The following DDX47 variants were observed in gnomAD, a reference collection of about 807,000 sequenced individuals.
DDX47 encodes probable ATP-dependent RNA helicase DDX47.
A neutral mutation model predicts 58.8 loss-of-function variants in DDX47; 60 were observed. That is an observed-to-expected ratio of 1.02 (90% confidence interval 0.83 to 1.26). The LOEUF (loss-of-function observed/expected upper bound fraction) is 1.26. Ranked by LOEUF, DDX47 falls within the 50% of genes most tolerant of loss-of-function variation. The pLI is 0.00. For missense variants in DDX47, 530 were observed against 573.2 expected (o/e 0.92, Z 0.77); for synonymous variants, 197 against 204.6 (o/e 0.96, Z 0.32).
In DDX47 at chr12:12,821,874, G is replaced by A. The variant is rs111772662; in HGVS notation, c.443-91G>A. 3.5e-3 allele frequency: 3,965 copies of A among 1,137,656 alleles called. 81 individuals are homozygous for A. In the African/African-American group the frequency reaches 0.047, roughly 14 times the overall value. The allele number at this position is 1,137,656 out of a possible 1,614,324, so 70.5% of individuals were successfully genotyped here. The stretch of plus-strand genomic sequence containing the variant: ...GTTAAATTTGGTGGAGAGCTGTGGG[G>A]TGGGGCAGATAACTTTATTTGTTTA... On this transcript the variant is annotated intron_variant, in intron 4 of 11. Transcript: ENST00000358007.
intron 8 of DDX47, 172 bp from the exon 9 acceptor site, chr12:12,824,368 T>A (rs182641812): frequency 2.3e-4 from 144 of 638,688 alleles, no homozygotes; most frequent in African/African-American, 1.3e-3. Flanking sequence ...TATATTTTTT[T>A]AATTTTTTGT....
chr12:12,815,023 A>G (rs1236536306), intron 2 of DDX47, among the ~76,000 whole-genome samples: 1 of 152,174 alleles, frequency 6.6e-6, no homozygotes, highest in Non-Finnish European at 1.5e-5. Flanking sequence ...TCCTGCTCTT[A>G]GATTCCTAAA....
intron 8 of DDX47, 31 bp from the exon 9 acceptor site, chr12:12,824,509 G>C: frequency 6.3e-7 from 1 of 1,593,132 alleles, no homozygotes; most frequent in Non-Finnish European, 8.5e-7. Context: ...CATAGGTTAA[G>C]TTTTCCAACA....
At chr12:12,827,399 A>G in intron 11 of DDX47, 24 bp downstream of exon 11, 1 of 1,613,230 alleles carries the variant, frequency 6.2e-7, no homozygotes, top group Non-Finnish European at 8.5e-7. Flanking sequence ...TTTTCTCACC[A>G]GTGTCTGTGC....
In DDX47 at chr12:12,827,869, C is replaced by CTTTTTTTTTTTTTTTTTTTTTTTTTT. The variant is rs1354059622; in HGVS notation, c.1236+500_1236+501insTTTTTTTTTTTTTTTTTTTTTTTTTT. On this transcript the variant is annotated intron_variant, in intron 11 of 11. Coordinates refer to ENST00000358007, the MANE Select transcript of DDX47 (RefSeq NM_016355.4). ...TCCAAAACCAAGATCCAAAACTTTT[C>CTTTTTTTTTTTTTTTTTTTTTTTTTT]TTTTTTCTTTTTTTTTTTTTTTTTG... Among the ~76,000 whole-genome samples the CTTTTTTTTTTTTTTTTTTTTTTTTTT allele has an allele frequency of 2.7e-5, 3 of 109,692 alleles. 1 individual carries two copies. Among genetic ancestry groups the CTTTTTTTTTTTTTTTTTTTTTTTTTT allele is most frequent in the Admixed American group, 1.1e-4 (1 of 8,836 alleles). 72.0% of individuals were successfully genotyped at this position (109,692 alleles called of 152,430 possible). A position where few individuals can be genotyped will look rare whatever the true frequency, so the allele number is the denominator to read the frequency against.
intron 9 of DDX47, among the ~76,000 whole-genome samples, chr12:12,825,262 C>T (rs1592324582): frequency 2.6e-5 from 4 of 152,172 alleles, no homozygotes; most frequent in Admixed American, 2.0e-4. Context: ...CCACCGTGCC[C>T]GGCCTACAGC....
chr12:12,823,077 G>T (rs1211033435), intron 6 of DDX47, 126 bp from the exon 7 acceptor site: 3 of 710,714 alleles, frequency 4.2e-6, no homozygotes, highest in Non-Finnish European at 7.5e-6. Context: ...CTCCCACCAG[G>T]TCCCTCCCGT....
intron 9 of DDX47, among the ~76,000 whole-genome samples, chr12:12,825,471 C>A (rs6488559): frequency 2.6e-5 from 4 of 151,846 alleles, no homozygotes; most frequent in African/African-American, 9.7e-5. Flanking sequence ...TACCAGTGTC[C>A]CTTGAGGATG....
At chr12:12,824,156 T>C in intron 8 of DDX47, 140 bp downstream of exon 8, 2 of 1,032,144 alleles carry the variant, frequency 1.9e-6, no homozygotes, top group Non-Finnish European at 2.8e-6. Context: ...CTTTGAAGTG[T>C]TGCTCTAGAT....
intron 11 of DDX47, among the ~76,000 whole-genome samples, chr12:12,829,193 TA>T (rs1863095274): frequency 6.6e-6 from 1 of 152,238 alleles, no homozygotes. Context: ...ACCCTTCTCT[TA>T]AGTCTTTGCC....
At position 12,823,331 on chromosome 12, in the gene DDX47, A is replaced by G. The variant is rs769665335; in HGVS notation, c.750+12A>G. On this transcript the variant is annotated intron_variant, in intron 7 of 11. Coordinates refer to ENST00000358007, the MANE Select transcript of DDX47 (RefSeq NM_016355.4). ...CCTCTAAATTCAAGGTAAAATGTTT[A>G]CTTTGATCATTCCTGCCTCTCCCTC... 3 of 1,433,644 alleles carry G rather than the reference A, an allele frequency of 2.1e-6. No homozygotes were observed. Among genetic ancestry groups the G allele is most frequent in the Non-Finnish European group, 3.0e-6 (3 of 1,015,988 alleles). 88.8% of individuals were successfully genotyped at this position (1,433,644 alleles called of 1,614,324 possible).
intron 10 of DDX47, 72 bp downstream of exon 10, chr12:12,826,142 C>G: frequency 7.9e-7 from 1 of 1,262,368 alleles, no homozygotes. Context: ...GGCTGAGAAC[C>G]TGACACTACC....
chr12:12,826,262 G>T (rs965150015), intron 10 of DDX47, 192 bp downstream of exon 10: 4 of 473,890 alleles, frequency 8.4e-6, no homozygotes, highest in Non-Finnish European at 1.5e-5. Flanking sequence ...GATTATATAT[G>T]TAAAAGATCT....
chr12:12,828,471 C>T (rs1250650984), intron 11 of DDX47, among the ~76,000 whole-genome samples: 2 of 152,116 alleles, frequency 1.3e-5, no homozygotes, highest in Non-Finnish European at 2.9e-5. Context: ...CCAAGCATTT[C>T]AGATAAGGGA....
At chr12:12,822,254 A>T (rs952762655) in intron 5 of DDX47, among the ~76,000 whole-genome samples, 171 bp downstream of exon 5, 1 of 151,940 alleles carries the variant, frequency 6.6e-6, no homozygotes, top group Non-Finnish European at 1.5e-5. Flanking sequence ...ATATAGTCTG[A>T]CTCTGACTTC....
chr12:12,819,902 C>A (rs1272539012), intron 2 of DDX47, among the ~76,000 whole-genome samples: 3 of 152,206 alleles, frequency 2.0e-5, no homozygotes, highest in African/African-American at 7.2e-5. Flanking sequence ...CATCCAATGT[C>A]CCAGTTAAGC....
chr12:12,829,521 T>C lies in DDX47; in HGVS notation c.1335T>C (p.Ala445=). Residue 445 remains alanine (A), a synonymous_variant, in exon 12 of 12, where the codon GCT becomes GCC. Coordinates refer to ENST00000358007, the MANE Select transcript of DDX47 (RefSeq NM_016355.4). ...CTATTGGTGTCAGGAACAAGGTGGC[T>C]GGAGGAAAAATGAAGAAGCGGAAAG... ...EGAIGVRNKV[A]GGKMKKRKGR 1 of 1,613,792 alleles carries C rather than the reference T, an allele frequency of 6.2e-7. No homozygotes were observed. The highest frequency in any genetic ancestry group is 8.5e-7 in the Non-Finnish European group (1 of 1,179,850).
chr12:12,825,389 C>G (rs1196034814), intron 9 of DDX47, among the ~76,000 whole-genome samples: 1 of 152,130 alleles, frequency 6.6e-6, no homozygotes, highest in Admixed American at 6.5e-5. Context: ...AGTAGCATTC[C>G]TGGCCTTTAC....
In DDX47 at chr12:12,823,259, T is replaced by A. The variant is rs149098412; in HGVS notation, c.690T>A (p.Ser230=). The A allele has an allele frequency of 7.6e-5, 122 of 1,613,954 alleles. No homozygotes were observed. The African/African-American group carries it at 1.5e-3, about 20-fold the overall frequency. Residue 230 remains serine, a synonymous_variant, in exon 7 of 12, where the codon TCT becomes TCA. Transcript: ENST00000358007. The part of the protein sequence containing the change: ...LKNPVKCAVS[S]KYQTVEKLQQ... Reference sequence around the variant, plus strand: ...ATCCTGTGAAATGTGCCGTTTCCTCTAAATACCAGACAGTTGAAAAATTAC... The same window carrying A: ...ATCCTGTGAAATGTGCCGTTTCCTCAAAATACCAGACAGTTGAAAAATTAC...
Sources: allele counts gnomAD v4.1 joint callset (sites outside exome capture counted in the v4.1 genomes callset), GRCh38; gene constraint gnomAD v4.1.1; transcripts MANE v1.5; gene names NCBI Gene and HGNC (gene_info 2026-07-23, HGNC 2026-07-21).